Variants in OSBPL6 observed in about 807,000 individuals in gnomAD.
OSBPL6 encodes the protein oxysterol-binding protein-related protein 6.
A neutral mutation model predicts 125.8 loss-of-function variants in OSBPL6; 49 were observed. The observed-to-expected ratio is 0.39, with a 90% CI of 0.31 to 0.49. The LOEUF (loss-of-function observed/expected upper bound fraction) is 0.49, where lower values mean the gene tolerates loss of function less well. OSBPL6 is among the 20% of genes least tolerant of loss of function. The probability of loss-of-function intolerance (pLI) is 0.88; values close to 1 mark genes in which losing one functional copy is unlikely to be tolerated. For missense variants in OSBPL6, 986 were observed against 1,135.4 expected, an observed-to-expected ratio of 0.87 and a Z score of 1.89; for synonymous variants, 394 against 391.8, an observed-to-expected ratio of 1.01 and a Z score of -0.07.
intron 3 of OSBPL6, among the ~76,000 whole-genome samples, chr2:178,310,412 CTTTTTTTTT>C (rs71023440): frequency 1.2e-5 from 1 of 85,714 alleles, no homozygotes; most frequent in African/African-American, 4.8e-5. Flanking sequence ...AAACTGAACT[CTTTTTTTTT>C]TTTTTTTTTT....
intron 1 of OSBPL6, among the ~76,000 whole-genome samples, chr2:178,246,318 T>C (rs2091489080): frequency 6.6e-6 from 1 of 152,216 alleles, no homozygotes; most frequent in Non-Finnish European, 1.5e-5. Context: ...ATGCAGTCTC[T>C]GACTATGGAC....
chr2:178,319,950 G>A (rs1688091472), intron 3 of OSBPL6, among the ~76,000 whole-genome samples: 1 of 152,190 alleles, frequency 6.6e-6, no homozygotes, highest in East Asian at 1.9e-4. Flanking sequence ...GAGAGCAGTG[G>A]ACCAATTCTC....
chr2:178,377,630 G>A (rs1694002884), intron 15 of OSBPL6, among the ~76,000 whole-genome samples: 1 of 152,144 alleles, frequency 6.6e-6, no homozygotes, highest in Admixed American at 6.5e-5. Context: ...TACGTATCCT[G>A]CACTGCAGCT....
Position 178,330,888 on chromosome 2 carries a change from A to C in OSBPL6, c.319-664A>C, listed in dbSNP as rs188449236. On this transcript the variant is annotated intron_variant, in intron 5 of 24. Transcript: ENST00000190611. ...GAGCAAAAAGGGCAAATCCATTCAG[A>C]CTGTACTAGGATTATCTTGGAGGAG... Among the ~76,000 whole-genome samples the C allele has an allele frequency of 2.1e-3, 315 of 152,270 alleles. 1 individual carries two copies. Among genetic ancestry groups the C allele is most frequent in the African/African-American group, 7.0e-3 (289 of 41,554 alleles).
intron 9 of OSBPL6, among the ~76,000 whole-genome samples, chr2:178,338,480 T>G (rs2154081265): frequency 6.6e-6 from 1 of 152,320 alleles, no homozygotes; most frequent in Non-Finnish European, 1.5e-5. Flanking sequence ...ATATAATGTC[T>G]CTAAGAAATT....
At position 178,383,996 on chromosome 2, in the gene OSBPL6, T is replaced by C. The variant is rs1376688505; in HGVS notation, c.1876-43T>C. On this transcript the variant is annotated intron_variant, in intron 17 of 24. Transcript: ENST00000190611. ...GATGAGGAACAAACAGACCCAGCAG[T>C]CGTCTCTCCTATATTATTCCCTTTT... The C allele has an allele frequency of 3.1e-6, 5 of 1,593,848 alleles. No individual in the cohort carries two copies. In the South Asian group the frequency reaches 5.6e-5, roughly 18 times the overall value.
At chr2:178,239,259 T>G (rs534907646) in intron 1 of OSBPL6, among the ~76,000 whole-genome samples, 1 of 152,282 alleles carries the variant, frequency 6.6e-6, no homozygotes, top group South Asian at 2.1e-4. Context: ...TTTACAAAGA[T>G]GAGGGAAGAT....
Position 178,339,776 on chromosome 2 carries a change from A to T in OSBPL6, c.987+12A>T. 1 of 1,579,746 alleles carries T rather than the reference A, an allele frequency of 6.3e-7. No homozygotes were observed. The highest frequency in any genetic ancestry group is 8.6e-7 in the Non-Finnish European group (1 of 1,161,942). ...AAATACAACTGCAGGTACAGATTTTACTTTTCCTTCATTCACGTTTCTACA... is the reference window on the plus strand; with the variant it reads ...AAATACAACTGCAGGTACAGATTTTTCTTTTCCTTCATTCACGTTTCTACA... On this transcript the variant is annotated intron_variant, in intron 11 of 24. Transcript: ENST00000190611.
intron 6 of OSBPL6, among the ~76,000 whole-genome samples, 195 bp from the exon 7 acceptor site, chr2:178,332,446 G>A (rs754203087): frequency 3.3e-5 from 5 of 152,144 alleles, no homozygotes; most frequent in Admixed American, 6.5e-5. Context: ...AAAAATTGAC[G>A]TGAAGTCACT....
intron 2 of OSBPL6, among the ~76,000 whole-genome samples, chr2:178,290,910 A>T (rs896537531): frequency 1.3e-5 from 2 of 152,050 alleles, no homozygotes; most frequent in African/African-American, 4.8e-5. Flanking sequence ...TGGAGTCTTA[A>T]TTTTTTAATT....
intron 1 of OSBPL6, among the ~76,000 whole-genome samples, chr2:178,269,912 G>A (rs2092334204): frequency 6.6e-6 from 1 of 152,206 alleles, no homozygotes; most frequent in Non-Finnish European, 1.5e-5. Context: ...CACTTGCCAG[G>A]TTCATGTCAT....
intron 3 of OSBPL6, among the ~76,000 whole-genome samples, chr2:178,317,997 G>C (rs990921566): frequency 1.3e-5 from 2 of 152,098 alleles, no homozygotes; most frequent in Admixed American, 1.3e-4. Context: ...CTTATACTCT[G>C]GTTGCTGTGG....
At chr2:178,231,288 G>A (rs2090806144) in intron 1 of OSBPL6, among the ~76,000 whole-genome samples, 1 of 152,108 alleles carries the variant, frequency 6.6e-6, no homozygotes. Context: ...TTATGCAAAT[G>A]GGCTTTCCAC....
rs1692382754 is a variant in OSBPL6, at chr2:178,361,787, T to C, written c.1259T>C (p.Met420Thr). ...QDHSKGHSTQ[M>T]ARLRQSLSQA... ...CACAGTAAAGGCCACAGCACGCAGATGGCACGGCTCCGACAGTCACTGTCT... is the reference window on the plus strand; with the variant it reads ...CACAGTAAAGGCCACAGCACGCAGACGGCACGGCTCCGACAGTCACTGTCT... The change falls in exon 13 of 25, where the codon ATG (methionine) becomes ACG (threonine). Residue 420 changes from methionine (M) to threonine (T), a missense_variant. Met to Thr is a moderately conservative substitution (Grantham distance 81). This residue lies in a region of OSBPL6 where 843 missense variants were observed against 997.3 expected (regional missense o/e 0.85). Transcript: ENST00000190611. The C allele has an allele frequency of 6.2e-7, 1 of 1,614,106 alleles. No homozygotes were observed. The highest frequency in any genetic ancestry group is 8.5e-7 in the Non-Finnish European group (1 of 1,179,988).
rs1295282449 is a variant in OSBPL6, at chr2:178,394,578, T to C, written c.2696+143T>C. ...GGCAGTGAAAATATTGAATCGATTT[T>C]GCACTTATGAAAAGTTAGTAACTAT... On this transcript the variant is annotated intron_variant, in intron 24 of 24. Transcript: ENST00000190611. 3 of 1,120,198 alleles carry C rather than the reference T, an allele frequency of 2.7e-6. No homozygotes were observed. The African/African-American group carries it at 4.8e-5, about 18-fold the overall frequency. 69.4% of individuals were successfully genotyped at this position (1,120,198 alleles called of 1,614,324 possible). A position where few individuals can be genotyped will look rare whatever the true frequency, so the allele number is the denominator to read the frequency against.
At chr2:178,247,006 G>C (rs2091514851) in intron 1 of OSBPL6, among the ~76,000 whole-genome samples, 1 of 89,970 alleles carries the variant, frequency 1.1e-5, no homozygotes, top group Non-Finnish European at 2.1e-5. Context: ...CCTGTAACCT[G>C]CCCCTCCCCA....
At chr2:178,314,601 T>G (rs2154066644) in intron 3 of OSBPL6, among the ~76,000 whole-genome samples, 1 of 152,320 alleles carries the variant, frequency 6.6e-6, no homozygotes, top group South Asian at 2.1e-4. Flanking sequence ...TGGGACCAAT[T>G]TTTGTTACTT....
At chr2:178,322,833 TGTATCTTTGATCTTTACAGTGACACTC>T (rs1480411737) in intron 3 of OSBPL6, among the ~76,000 whole-genome samples, 2 of 151,906 alleles carry the variant, frequency 1.3e-5, no homozygotes, top group Non-Finnish European at 2.9e-5. Context: ...CAGTGACACT[TGTATCTTTGATCTTTACAGTGACACTC>T]GTATCTTTGA....
At chr2:178,212,659 C>T (rs1174841329) in intron 1 of OSBPL6, among the ~76,000 whole-genome samples, 3 of 152,178 alleles carry the variant, frequency 2.0e-5, no homozygotes, top group Non-Finnish European at 2.9e-5. Flanking sequence ...TACTTGTGTC[C>T]ATTCTAATTG....
Sources: gnomAD v4.1 joint callset for allele counts (sites outside exome capture counted in the v4.1 genomes callset) on GRCh38, gnomAD v4.1.1 for gene constraint, gnomAD v4.1.1 regional missense constraint, MANE v1.5 for transcripts, NCBI Gene and HGNC (gene_info 2026-07-23, HGNC 2026-07-21) for gene names.